Variants in MAP4K2 observed in about 807,000 individuals in gnomAD.
MAP4K2 encodes mitogen-activated protein kinase kinase kinase kinase 2, also known as B lymphocyte serine/threonine protein kinase.
Under a neutral mutation model 125.3 loss-of-function variants are expected in MAP4K2, and 85 were observed. The observed-to-expected ratio is 0.68, with a 90% CI of 0.57 to 0.81. The LOEUF (loss-of-function observed/expected upper bound fraction) is 0.81. Among genes scored for constraint, MAP4K2 ranks in the 40% least tolerant of loss-of-function variants. The probability of loss-of-function intolerance (pLI) is 0.00; values close to 1 mark genes in which losing one functional copy is unlikely to be tolerated. For synonymous variants in MAP4K2, 479 were observed against 445.1 expected (o/e 1.08, Z -0.96); for missense variants, 923 against 1,056.4 (o/e 0.87, Z 1.75).
rs1688646658 is a variant in MAP4K2, at chr11:64,797,382, T to C, written c.1171-2A>G. Reference sequence around the variant, plus strand: ...GGTATCGTCTGGGGAGTCCAGCTCCTGGTAGGAGGGGCAGGGCCCAGCCCG... The same window carrying C: ...GGTATCGTCTGGGGAGTCCAGCTCCCGGTAGGAGGGGCAGGGCCCAGCCCG... On this transcript the variant is annotated splice_acceptor_variant, in intron 17 of 31. Coordinates refer to ENST00000294066, the MANE Select transcript of MAP4K2 (RefSeq NM_004579.5). LOFTEE classifies it high-confidence loss of function. The C allele has an allele frequency of 6.3e-7, 1 of 1,579,014 alleles. No homozygotes were observed. The highest frequency in any genetic ancestry group is 8.6e-7 in the Non-Finnish European group (1 of 1,162,120).
At chr11:64,798,922 G>C in intron 14 of MAP4K2, 85 bp from the exon 15 acceptor site, 1 of 991,328 alleles carries the variant, frequency 1.0e-6, no homozygotes, top group South Asian at 1.6e-5. Flanking sequence ...GGAAAGGAAA[G>C]ACAGACAGAC....
intron 24 of MAP4K2, among the ~76,000 whole-genome samples, chr11:64,795,904 G>C (rs1940767154): frequency 6.6e-6 from 1 of 151,910 alleles, no homozygotes; most frequent in South Asian, 2.1e-4. Context: ...TGAAAGCAAG[G>C]ACTTGCCCAT....
rs1941121490 is a variant in MAP4K2 at position 64,800,835 on chromosome 11, G to A, written c.663-9C>T. The A allele has an allele frequency of 1.9e-6, 3 of 1,613,158 alleles. No homozygotes were observed. Among genetic ancestry groups the A allele is most frequent in the Middle Eastern group, 1.7e-4 (1 of 6,060 alleles). Reference sequence around the variant, plus strand: ...ACATGAGCATCAGGGCCCTGTGGAGGGCGCGAGGTCAGGGGCCACAGGCCG... The same window carrying A: ...ACATGAGCATCAGGGCCCTGTGGAGAGCGCGAGGTCAGGGGCCACAGGCCG... On this transcript the variant is annotated splice_polypyrimidine_tract_variant and intron_variant, in intron 9 of 31. Coordinates refer to ENST00000294066, the MANE Select transcript of MAP4K2 (RefSeq NM_004579.5).
intron 5 of MAP4K2, 145 bp downstream of exon 5, chr11:64,801,921 G>T: frequency 8.7e-7 from 1 of 1,152,150 alleles, no homozygotes; most frequent in Non-Finnish European, 1.2e-6. Context: ...CCGGCAACAG[G>T]GCTGGGGCCC....
chr11:64,796,310 T>C lies in MAP4K2; in HGVS notation c.1714A>G (p.Ile572Val). 1 of 1,542,316 alleles carries C rather than the reference T, an allele frequency of 6.5e-7. No homozygotes were observed. The highest frequency in any genetic ancestry group is 8.7e-7 in the Non-Finnish European group (1 of 1,144,044). Residue 572 changes from isoleucine to valine, a missense_variant, in exon 24 of 32, where the codon ATC (isoleucine) becomes GTC (valine). This residue lies in a region of MAP4K2 where 833 missense variants were observed against 911.4 expected (regional missense o/e 0.91). Transcript: ENST00000294066. ...CGCTGGGTGAGGCGGTTGGTGGGGA[T>C]GGAGAGGGGAACCTGTTGCTGTAGC... ...RRLQQQVPLS[I>V]PTNRLTQRII...
Position 64,788,949 on chromosome 11 carries a change from A to C in MAP4K2, c.*588T>G, listed in dbSNP as rs1433911056. Reference sequence around the variant, plus strand: ...CAAAGCTGAGGGTCAGTTCTGAGCAAGGATGCAGGGGAAGGCACAGTGCCC... The same window carrying C: ...CAAAGCTGAGGGTCAGTTCTGAGCACGGATGCAGGGGAAGGCACAGTGCCC... On this transcript the variant is annotated 3_prime_UTR_variant, in exon 32 of 32. Coordinates refer to ENST00000294066, the MANE Select transcript of MAP4K2 (RefSeq NM_004579.5). The C allele has an allele frequency of 6.4e-6, 1 of 157,428 alleles. No homozygotes were observed. Among genetic ancestry groups the C allele is most frequent in the Non-Finnish European group, 1.4e-5 (1 of 71,412 alleles). The allele number at this position is 157,428 out of a possible 1,614,324, so 9.8% of individuals were successfully genotyped here. A position where few individuals can be genotyped will look rare whatever the true frequency, so the allele number is the denominator to read the frequency against.
At chr11:64,798,726 C>A (rs1940978530) in intron 15 of MAP4K2, 68 bp downstream of exon 15, 2 of 1,568,150 alleles carry the variant, frequency 1.3e-6, no homozygotes, top group Non-Finnish European at 1.8e-6. Context: ...TGAGCCACCA[C>A]GCCCGGTCAG....
At position 64,787,041 on chromosome 11, in the gene MAP4K2, T is replaced by TG. The variant is rs1940222648; in HGVS notation, c.*2495_*2496insC. 1.3e-5 allele frequency: 2 copies of TG among 149,918 alleles called. No individual in the cohort carries two copies. The highest frequency in any genetic ancestry group is 3.0e-5 in the Non-Finnish European group (2 of 67,362). The allele number at this position is 149,918 out of a possible 1,614,324, so 9.3% of individuals were successfully genotyped here. A position where few individuals can be genotyped will look rare whatever the true frequency, so the allele number is the denominator to read the frequency against. ...TATATATATTTTTTTCTCTTTTTTT[T>TG]TTTTTTGAGACGGAGTCTTGCACTG... On this transcript the variant is annotated 3_prime_UTR_variant, in exon 32 of 32. Transcript: ENST00000294066.
At chr11:64,799,845 C>T (rs571500964) in intron 12 of MAP4K2, among the ~76,000 whole-genome samples, 162 bp from the exon 13 acceptor site, 1 of 152,230 alleles carries the variant, frequency 6.6e-6, no homozygotes, top group African/African-American at 2.4e-5. Context: ...AGAACCCACA[C>T]AGAGCAGTGC....
chr11:64,792,061 G>A lies in MAP4K2; in HGVS notation c.1940C>T (p.Pro647Leu). The stretch of plus-strand genomic sequence containing the variant: ...CACCAGCGGCTCCAGCATCCCAGCT[G>A]GGCTGGGCAGAGGGCTGGAGAAGTT... ...LKNFSSPLPS[P>L]AGMLEPLVLD... The change falls in exon 27 of 32, where the codon CCA (proline) becomes CTA (leucine). Residue 647 changes from proline to leucine, a missense_variant. Physicochemically the swap from Pro to Leu is moderately conservative, Grantham distance 98. Coordinates refer to ENST00000294066, the MANE Select transcript of MAP4K2 (RefSeq NM_004579.5). The A allele has an allele frequency of 6.3e-7, 1 of 1,591,516 alleles. No homozygotes were observed. Among genetic ancestry groups the A allele is most frequent in the Non-Finnish European group, 8.6e-7 (1 of 1,169,420 alleles).
chr11:64,798,613 T>G (rs960276629), intron 15 of MAP4K2, among the ~76,000 whole-genome samples, 181 bp downstream of exon 15: 9 of 152,142 alleles, frequency 5.9e-5, no homozygotes, highest in African/African-American at 2.2e-4. Context: ...TTTTGTATTT[T>G]AAGTAGAGGT....
At position 64,802,117 on chromosome 11, in the gene MAP4K2, A is replaced by C. The variant is rs776378265; in HGVS notation, c.315T>G (p.Thr105=). The C allele has an allele frequency of 6.2e-6, 10 of 1,612,828 alleles. No individual in the cohort carries two copies. Among genetic ancestry groups the C allele is most frequent in the Middle Eastern group, 1.6e-4 (1 of 6,068 alleles). The change falls in exon 5 of 32, where the codon ACT becomes ACG. Residue 105 remains threonine, a synonymous_variant. Transcript: ENST00000294066. ...GGSLQEIYHA[T]GPLEERQIAY... ...CAATCTGCCGCTCCTCCAGGGGCCC[A>C]GTGGCTGAAAGGAAAAGGGAGAGGC... is the stretch of plus-strand genomic sequence containing the variant.
At chr11:64,791,873 C>T in intron 27 of MAP4K2, 36 bp downstream of exon 27, 3 of 1,505,684 alleles carry the variant, frequency 2.0e-6, no homozygotes, top group Non-Finnish European at 2.7e-6. Context: ...CTCATGCACA[C>T]ACACCCACCC....
chr11:64,789,736 G>T lies in MAP4K2; in HGVS notation c.2369C>A (p.Ala790Asp), dbSNP rs1940362105. The change falls in exon 31 of 32, where the codon GCC (alanine) becomes GAC (aspartate). Residue 790 changes from alanine to aspartate, a missense_variant. This residue lies in a region of MAP4K2 where 90 missense variants were observed against 144.9 expected (regional missense o/e 0.62). Transcript: ENST00000294066. ...DETRIFRVLG[A>D]HRDIILESIP... ...CTAGGGTACCACCGCCTACCTGTGG[G>T]CCCCAAGCACTCGGAAGATCCTTGT... 2 of 1,614,092 alleles carry T rather than the reference G, an allele frequency of 1.2e-6. No individual in the cohort carries two copies. Among genetic ancestry groups the T allele is most frequent in the Non-Finnish European group, 1.7e-6 (2 of 1,179,982 alleles).
intron 24 of MAP4K2, among the ~76,000 whole-genome samples, chr11:64,795,625 A>G (rs1028381508): frequency 2.0e-5 from 3 of 152,116 alleles, no homozygotes. Context: ...GATAGTCTCC[A>G]TCTCCTGACC....
intron 5 of MAP4K2, 64 bp from the exon 6 acceptor site, chr11:64,801,821 T>C (rs1941195348): frequency 3.8e-6 from 6 of 1,565,874 alleles, no homozygotes; most frequent in Non-Finnish European, 5.2e-6. Flanking sequence ...CCAAACCCCC[T>C]CTCAGGACTG....
intron 14 of MAP4K2, 147 bp downstream of exon 14, chr11:64,799,274 G>T: frequency 1.1e-6 from 1 of 923,272 alleles, no homozygotes; most frequent in Non-Finnish European, 1.7e-6. Flanking sequence ...AGGTCCCTGG[G>T]TAGGACAGGC....
chr11:64,802,643 G>A lies in MAP4K2; in HGVS notation c.165C>T (p.Ile55=), dbSNP rs754593445. 6 of 1,612,530 alleles carry A rather than the reference G, an allele frequency of 3.7e-6. No homozygotes were observed. The South Asian group carries it at 5.5e-5, about 15-fold the overall frequency. The change falls in exon 3 of 32, where the codon ATC becomes ATT. Residue 55 remains isoleucine (I), a synonymous_variant. Coordinates refer to ENST00000294066, the MANE Select transcript of MAP4K2 (RefSeq NM_004579.5). ...TGGTGATTTCCTGCTGGAGGGAGCT[G>A]ATGTCGTCCCCTGGGAAGCACAAAG... The part of the protein sequence containing the change: ...KIVKLDPGDD[I]SSLQQEITIL...
At chr11:64,791,719 T>A (rs1940487672) in intron 27 of MAP4K2, among the ~76,000 whole-genome samples, 190 bp downstream of exon 27, 1 of 152,142 alleles carries the variant, frequency 6.6e-6, no homozygotes, top group African/African-American at 2.4e-5. Flanking sequence ...ATGAACCCTT[T>A]TATGGAAGCC....
Sources: gnomAD v4.1 joint callset for allele counts (sites outside exome capture counted in the v4.1 genomes callset) on GRCh38, gnomAD v4.1.1 for gene constraint, gnomAD v4.1.1 regional missense constraint, MANE v1.5 for transcripts, NCBI Gene and HGNC (gene_info 2026-07-23, HGNC 2026-07-21) for gene names.